Variants in RBFOX1 observed in about 807,000 individuals in gnomAD.
RBFOX1 encodes RNA binding fox-1 homolog 1.
RBFOX1 carries 8 observed loss-of-function variants against 57.7 expected under a neutral mutation model. That is an observed-to-expected ratio of 0.14 (90% confidence interval 0.08 to 0.25). The LOEUF (loss-of-function observed/expected upper bound fraction) is 0.25. Among genes scored for constraint, RBFOX1 ranks in the 10% least tolerant of loss-of-function variants. The probability of loss-of-function intolerance (pLI) is 1.00; values close to 1 mark genes in which losing one functional copy is unlikely to be tolerated. For missense variants in RBFOX1, 611 were observed against 548.5 expected (o/e 1.11, Z -1.14); for synonymous variants, 326 against 222.4 (o/e 1.47, Z -4.15).
intron 3 of RBFOX1, among the ~76,000 whole-genome samples, chr16:6,655,433 A>G (rs1281460383): frequency 7.5e-6 from 1 of 133,052 alleles, no homozygotes; most frequent in Non-Finnish European, 1.5e-5. Flanking sequence ...ATCACAACAC[A>G]TCAACACATT....
At chr16:5,550,521 CA>C (rs2045419685) in intron 2 of RBFOX1, among the ~76,000 whole-genome samples, 1 of 152,156 alleles carries the variant, frequency 6.6e-6, no homozygotes, top group Non-Finnish European at 1.5e-5. Context: ...GAGAGTTGTA[CA>C]GAAACAGATG....
At chr16:7,487,771 C>G (rs888807739) in intron 4 of RBFOX1, among the ~76,000 whole-genome samples, 9 of 152,116 alleles carry the variant, frequency 5.9e-5, no homozygotes, top group Admixed American at 5.9e-4. Flanking sequence ...CCTCATTCAG[C>G]ACTTGGACAA....
At chr16:6,896,097 ACC>A (rs1306501327) in intron 3 of RBFOX1, among the ~76,000 whole-genome samples, 7 of 151,972 alleles carry the variant, frequency 4.6e-5, no homozygotes, top group Non-Finnish European at 1.5e-5. Context: ...ACATGGTGAA[ACC>A]CCATCTCTAT....
intron 4 of RBFOX1, among the ~76,000 whole-genome samples, chr16:7,516,841 T>TTTTTCCTC (rs1440402604): frequency 6.6e-6 from 1 of 152,168 alleles, no homozygotes; most frequent in Admixed American, 6.5e-5. Context: ...AAACTTTTTT[T>TTTTTCCTC]TTTTCCTCTC....
chr16:7,139,210 T>TG (rs1567416667), intron 4 of RBFOX1, among the ~76,000 whole-genome samples: 12 of 96,096 alleles, frequency 1.2e-4, no homozygotes, highest in African/African-American at 5.1e-4. Flanking sequence ...GTGTGTGTGT[T>TG]TGTGTGTGTG....
intron 3 of RBFOX1, among the ~76,000 whole-genome samples, chr16:5,837,761 G>A (rs1488272781): frequency 6.6e-6 from 1 of 152,078 alleles, no homozygotes; most frequent in East Asian, 1.9e-4. Context: ...TTTATATAAC[G>A]TTGGCTTTCC....
At chr16:6,682,527 C>G (rs554109866) in intron 3 of RBFOX1, among the ~76,000 whole-genome samples, 2 of 152,084 alleles carry the variant, frequency 1.3e-5, no homozygotes, top group Non-Finnish European at 2.9e-5. Flanking sequence ...TCAATCTTGG[C>G]ATTATTGGCA....
chr16:6,521,221 C>T (rs1305962666), intron 2 of RBFOX1, among the ~76,000 whole-genome samples: 2 of 152,070 alleles, frequency 1.3e-5, no homozygotes, highest in African/African-American at 2.4e-5. Flanking sequence ...GACATTATGA[C>T]AGGGAAGCCT....
At chr16:6,495,905 G>C (rs1000326075) in intron 2 of RBFOX1, among the ~76,000 whole-genome samples, 18 of 152,286 alleles carry the variant, frequency 1.2e-4, no homozygotes, top group African/African-American at 3.4e-4. Context: ...TTGTTTGGCT[G>C]CTTTACATTA....
intron 1 of RBFOX1, among the ~76,000 whole-genome samples, chr16:6,243,414 G>C (rs944415707): frequency 2.6e-4 from 39 of 152,148 alleles, no homozygotes; most frequent in African/African-American, 9.2e-4. Context: ...CCTGTTATAA[G>C]TGCACTTACA....
At chr16:7,230,204 A>G (rs950444577) in intron 4 of RBFOX1, among the ~76,000 whole-genome samples, 25 of 151,808 alleles carry the variant, frequency 1.6e-4, no homozygotes, top group Non-Finnish European at 2.9e-4. Context: ...ACATCTGTAT[A>G]TGTCAGTCAC....
At chr16:6,282,443 A>G (rs978676557) in intron 1 of RBFOX1, among the ~76,000 whole-genome samples, 65 of 149,882 alleles carry the variant, frequency 4.3e-4, no homozygotes, top group African/African-American at 1.5e-3. Context: ...ACAGATAAAC[A>G]TGTGCCATGG....
chr16:7,276,635 C>G (rs900264123), intron 4 of RBFOX1, among the ~76,000 whole-genome samples: 1 of 152,096 alleles, frequency 6.6e-6, no homozygotes, highest in Admixed American at 6.6e-5. Context: ...TTTCCTCACT[C>G]CTCCAAATTC....
intron 4 of RBFOX1, among the ~76,000 whole-genome samples, chr16:7,167,899 G>T (rs908565453): frequency 4.6e-5 from 7 of 152,154 alleles, no homozygotes; most frequent in African/African-American, 1.7e-4. Context: ...TTCTAGGGAG[G>T]TGTTTAATTT....
At chr16:6,832,960 C>G (rs2092815942) in intron 3 of RBFOX1, among the ~76,000 whole-genome samples, 2 of 152,118 alleles carry the variant, frequency 1.3e-5, no homozygotes, top group Admixed American at 6.5e-5. Context: ...AATACAGTCA[C>G]ACAAATTGAT....
At chr16:6,938,923 G>A (rs975422776) in intron 3 of RBFOX1, among the ~76,000 whole-genome samples, 2 of 152,096 alleles carry the variant, frequency 1.3e-5, no homozygotes, top group Admixed American at 6.5e-5. Context: ...CATAGTGAGA[G>A]TCCATCTCAA....
intron 1 of RBFOX1, among the ~76,000 whole-genome samples, chr16:6,242,146 C>T (rs553447537): frequency 2.5e-4 from 38 of 152,134 alleles, no homozygotes; most frequent in African/African-American, 8.7e-4. Flanking sequence ...CTGATAGGTG[C>T]ATCTTTATTT....
At chr16:6,647,917 C>G (rs1033526415) in intron 2 of RBFOX1, among the ~76,000 whole-genome samples, 1 of 152,160 alleles carries the variant, frequency 6.6e-6, no homozygotes, top group African/African-American at 2.4e-5. Flanking sequence ...TCTCGGCTTA[C>G]TGCAACATCA....
intron 1 of RBFOX1, among the ~76,000 whole-genome samples, chr16:6,085,486 G>C (rs1177081664): frequency 6.6e-6 from 1 of 152,162 alleles, no homozygotes; most frequent in Non-Finnish European, 1.5e-5. Context: ...GATCTGGCTG[G>C]TCTCGAACTC....
Sources: gnomAD v4.1 joint callset for allele counts (sites outside exome capture counted in the v4.1 genomes callset) on GRCh38, gnomAD v4.1.1 for gene constraint, MANE v1.5 for transcripts, NCBI Gene and HGNC (gene_info 2026-07-23, HGNC 2026-07-21) for gene names.